PPP2R3A: variants seen among roughly 807,000 people sequenced by gnomAD.
The protein encoded by PPP2R3A is serine/threonine-protein phosphatase 2A regulatory subunit B'' subunit alpha.
PPP2R3A carries 80 observed loss-of-function variants against 106.9 expected under a neutral mutation model. The observed-to-expected ratio is 0.75, with a 90% confidence interval of 0.62 to 0.90. PPP2R3A has a LOEUF of 0.90. Among genes scored for constraint, PPP2R3A ranks in the 40% least tolerant of loss-of-function variants. PPP2R3A has a pLI of 0.00. For missense variants in PPP2R3A, 1,386 were observed against 1,350.4 expected (o/e 1.03, Z -0.41); for synonymous variants, 483 against 468.3 (o/e 1.03, Z -0.41).
At chr3:136,056,239 C>T (rs1434819361) in intron 5 of PPP2R3A, among the ~76,000 whole-genome samples, 2 of 151,926 alleles carry the variant, frequency 1.3e-5, no homozygotes. Context: ...TCTAAGGAGA[C>T]ATAACTAAAT....
chr3:136,024,847 C>A (rs1934591081), intron 2 of PPP2R3A, among the ~76,000 whole-genome samples: 1 of 152,028 alleles, frequency 6.6e-6, no homozygotes, highest in Non-Finnish European at 1.5e-5. Flanking sequence ...AATTCTGTGC[C>A]TTACTTTAGA....
intron 5 of PPP2R3A, chr3:136,055,733 G>T: frequency 1.5e-6 from 1 of 686,776 alleles, no homozygotes; most frequent in Non-Finnish European, 2.6e-6. Context: ...CCACTACTTG[G>T]GAAATCATCT....
chr3:136,068,526 AAT>A (rs1402886648), intron 5 of PPP2R3A, among the ~76,000 whole-genome samples: 1 of 152,084 alleles, frequency 6.6e-6, no homozygotes, highest in Non-Finnish European at 1.5e-5. Flanking sequence ...GTCTCAAAAA[AAT>A]AAAAGAAATA....
intron 10 of PPP2R3A, among the ~76,000 whole-genome samples, chr3:136,092,029 A>G (rs1212227921): frequency 3.9e-5 from 6 of 152,128 alleles, no homozygotes; most frequent in East Asian, 3.8e-4. Context: ...TTGGTACTCA[A>G]AAAGTTTTGG....
intron 13 of PPP2R3A, among the ~76,000 whole-genome samples, chr3:136,136,919 T>G (rs979840899): frequency 6.6e-6 from 1 of 152,162 alleles, no homozygotes; most frequent in African/African-American, 2.4e-5. Flanking sequence ...AGACCAAAGC[T>G]TCCGTAAGTA....
At chr3:136,107,273 A>G (rs532291874) in intron 13 of PPP2R3A, among the ~76,000 whole-genome samples, 1 of 149,208 alleles carries the variant, frequency 6.7e-6, no homozygotes, top group South Asian at 2.1e-4. Flanking sequence ...AACAGGCACT[A>G]TTCATATAAT....
intron 6 of PPP2R3A, among the ~76,000 whole-genome samples, chr3:136,076,953 A>T (rs1426894972): frequency 9.4e-6 from 1 of 106,562 alleles, no homozygotes; most frequent in Non-Finnish European, 1.9e-5. Flanking sequence ...TCTCAGAAAG[A>T]AAAAAAAAAA....
intron 1 of PPP2R3A, among the ~76,000 whole-genome samples, chr3:135,966,178 A>G (rs1937077542): frequency 6.6e-6 from 1 of 152,076 alleles, no homozygotes; most frequent in South Asian, 2.1e-4. Flanking sequence ...CCCACTTTTC[A>G]GGGCTCCTGG....
intron 13 of PPP2R3A, among the ~76,000 whole-genome samples, chr3:136,142,125 T>C (rs1938896447): frequency 6.6e-6 from 1 of 152,150 alleles, no homozygotes; most frequent in South Asian, 2.1e-4. Context: ...AGTAAAGCCA[T>C]GGGAAAGACT....
Position 136,145,398 on chromosome 3 carries a change from G to A in PPP2R3A, c.*232G>A, listed in dbSNP as rs777983032. 2.8e-6 allele frequency: 1 copy of A among 362,510 alleles called. No individual in the cohort carries two copies. Among genetic ancestry groups the A allele is most frequent in the East Asian group, 6.8e-5 (1 of 14,768 alleles). 22.5% of individuals were successfully genotyped at this position (362,510 alleles called of 1,614,324 possible). A position where few individuals can be genotyped will look rare whatever the true frequency, so the allele number is the denominator to read the frequency against. On this transcript the variant is annotated 3_prime_UTR_variant, in exon 14 of 14. Coordinates refer to ENST00000264977, the MANE Select transcript of PPP2R3A (RefSeq NM_002718.5). ...GCTTCTCCTCAGAAGTGGTACCATC[G>A]CCTTCCAAAGTCAGCACTCTACACT... is the stretch of plus-strand genomic sequence containing the variant.
intron 12 of PPP2R3A, among the ~76,000 whole-genome samples, chr3:136,103,795 C>G (rs551543472): frequency 7.2e-5 from 11 of 152,202 alleles, no homozygotes; most frequent in Non-Finnish European, 1.0e-4. Context: ...ACGGTAAAAA[C>G]TAGAGTTCTC....
At chr3:136,053,797 C>T (rs758138173) in intron 5 of PPP2R3A, among the ~76,000 whole-genome samples, 4 of 152,068 alleles carry the variant, frequency 2.6e-5, no homozygotes, top group Admixed American at 6.6e-5. Context: ...CACAGAACCC[C>T]GAGGCAGATT....
chr3:136,082,283 G>A lies in PPP2R3A; in HGVS notation c.2650G>A (p.Glu884Lys). 6.3e-7 allele frequency: 1 copy of A among 1,588,532 alleles called. No individual in the cohort carries two copies. Among genetic ancestry groups the A allele is most frequent in the Non-Finnish European group, 8.6e-7 (1 of 1,157,170 alleles). ...ATTTCAGACCCTAGCACTTTTGGAA[G>A]AAGAGGAAGATATAAACCAAATTAC... Reference protein sequence around the residue: ...NFLQTLALLEEEEDINQITDY... With the variant: ...NFLQTLALLEKEEDINQITDY... Residue 884 changes from glutamate to lysine, a missense_variant, in exon 8 of 14, where the codon GAA (glutamate) becomes AAA (lysine). Coordinates refer to ENST00000264977, the MANE Select transcript of PPP2R3A (RefSeq NM_002718.5).
intron 13 of PPP2R3A, among the ~76,000 whole-genome samples, chr3:136,121,493 A>T (rs1490743059): frequency 6.6e-6 from 1 of 152,170 alleles, no homozygotes; most frequent in Admixed American, 6.5e-5. Context: ...CTGTGCTACT[A>T]CCTGGGTGGT....
chr3:135,969,543 T>C (rs1937182045), intron 1 of PPP2R3A, among the ~76,000 whole-genome samples: 1 of 152,118 alleles, frequency 6.6e-6, no homozygotes, highest in Non-Finnish European at 1.5e-5. Context: ...GATTTTCAAG[T>C]GAGAGGTCAC....
chr3:136,142,382 A>T (rs1938914211), intron 13 of PPP2R3A, among the ~76,000 whole-genome samples: 1 of 152,124 alleles, frequency 6.6e-6, no homozygotes, highest in South Asian at 2.1e-4. Context: ...CGGGGGACAA[A>T]ATCACCCTAG....
intron 6 of PPP2R3A, among the ~76,000 whole-genome samples, chr3:136,077,494 T>C (rs1416137602): frequency 6.7e-6 from 1 of 150,206 alleles, no homozygotes; most frequent in African/African-American, 2.5e-5. Flanking sequence ...AAAAGCAGAA[T>C]GCACCCCCCC....
At chr3:136,107,339 C>T (rs1278495) in intron 13 of PPP2R3A, among the ~76,000 whole-genome samples, 2 of 152,068 alleles carry the variant, frequency 1.3e-5, no homozygotes, top group South Asian at 4.2e-4. Context: ...TTCTCCTCCC[C>T]AGAAGCAACA....
intron 4 of PPP2R3A, among the ~76,000 whole-genome samples, chr3:136,044,908 G>A (rs1177204395): frequency 6.6e-6 from 1 of 152,184 alleles, no homozygotes; most frequent in Non-Finnish European, 1.5e-5. Flanking sequence ...AGTTGGCAGG[G>A]AAAACTGCTT....
Sources: allele counts gnomAD v4.1 joint callset (sites outside exome capture counted in the v4.1 genomes callset), GRCh38; gene constraint gnomAD v4.1.1; transcripts MANE v1.5; gene names NCBI Gene and HGNC (gene_info 2026-07-23, HGNC 2026-07-21).